The following CRISP1 variants were observed in gnomAD, a reference collection of about 807,000 sequenced individuals.
The protein encoded by CRISP1 is cysteine rich secretory protein 1.
A neutral mutation model predicts 33.1 loss-of-function variants in CRISP1; 44 were observed. The observed-to-expected ratio is 1.33, with a 90% confidence interval of 1.05 to 1.71. The LOEUF is 1.71. Ranked by LOEUF, CRISP1 falls within the 40% of genes most tolerant of loss-of-function variation. The pLI is 0.00. For synonymous variants in CRISP1, 103 were observed against 98.7 expected (o/e 1.04, Z -0.26); for missense variants, 390 against 301.2 (o/e 1.29, Z -2.18).
intron 1 of CRISP1, among the ~76,000 whole-genome samples, chr6:49,863,398 G>A (rs1253933772): frequency 6.6e-6 from 1 of 152,116 alleles, no homozygotes; most frequent in Non-Finnish European, 1.5e-5. Context: ...TTAGGTAAAG[G>A]TAGCTCTTCT....
chr6:49,849,845 TA>T (rs1039896572), intron 3 of CRISP1, among the ~76,000 whole-genome samples: 7 of 151,960 alleles, frequency 4.6e-5, no homozygotes, highest in African/African-American at 1.7e-4. Flanking sequence ...TAGCACTGGG[TA>T]AAACCATGGT....
intron 5 of CRISP1, among the ~76,000 whole-genome samples, chr6:49,841,737 T>C (rs1364114586): frequency 2.0e-5 from 3 of 152,088 alleles, no homozygotes; most frequent in African/African-American, 7.2e-5. Flanking sequence ...GAGTACTGAG[T>C]TGGTTTTTGA....
intron 4 of CRISP1, among the ~76,000 whole-genome samples, chr6:49,847,893 C>A (rs1230495679): frequency 6.6e-6 from 1 of 152,094 alleles, no homozygotes; most frequent in Non-Finnish European, 1.5e-5. Context: ...AGTAACTCCA[C>A]AGAATGGAGA....
chr6:49,865,823 A>G (rs1416799805), intron 1 of CRISP1, among the ~76,000 whole-genome samples: 4 of 152,180 alleles, frequency 2.6e-5, no homozygotes, highest in Non-Finnish European at 5.9e-5. Context: ...GGAGACTGGC[A>G]GATGGAAAGA....
chr6:49,836,841 G>C (rs531877804), intron 7 of CRISP1, among the ~76,000 whole-genome samples: 38 of 152,176 alleles, frequency 2.5e-4, no homozygotes, highest in African/African-American at 8.7e-4. Context: ...TTGTATATTT[G>C]ATAGTGTATC....
Position 49,836,492 on chromosome 6 carries a change from C to T in CRISP1, c.623-1049G>A, listed in dbSNP as rs1016815254. 6.6e-5 allele frequency among the ~76,000 whole-genome samples: 10 copies of T among 151,598 alleles called. No individual in the cohort carries two copies. In the South Asian group the frequency reaches 1.5e-3, roughly 22 times the overall value. On this transcript the variant is annotated intron_variant, in intron 7 of 7. Coordinates refer to ENST00000335847, the MANE Select transcript of CRISP1 (RefSeq NM_001131.3). ...CTGGGACTACAGGCGCCCGCCATCA[C>T]GCCCTGCTAATTTTTTTTTTATTTT... is the stretch of plus-strand genomic sequence containing the variant.
chr6:49,852,708 T>A (rs1355375735), intron 2 of CRISP1, among the ~76,000 whole-genome samples: 8 of 152,188 alleles, frequency 5.3e-5, no homozygotes, highest in African/African-American at 1.7e-4. Context: ...GAGTAAAACA[T>A]AGAATTCAAA....
intron 2 of CRISP1, among the ~76,000 whole-genome samples, chr6:49,855,802 GTTAGTCTATTTGC>G (rs971960837): frequency 1.3e-5 from 2 of 152,114 alleles, no homozygotes; most frequent in African/African-American, 4.8e-5. Context: ...AGGTCTGGTG[GTTAGTCTATTTGC>G]TTTCTACCTG....
upstream of CRISP1, among the ~76,000 whole-genome samples, chr6:49,869,276 G>T (rs1582287832): frequency 6.6e-6 from 1 of 152,062 alleles, no homozygotes; most frequent in East Asian, 1.9e-4. Context: ...GCTGTTTGTT[G>T]GTGCGAAGCC....
At chr6:49,871,045 G>A (rs1771910372), upstream of CRISP1, among the ~76,000 whole-genome samples, 1 of 151,514 alleles carries the variant, frequency 6.6e-6, no homozygotes, top group South Asian at 2.1e-4. Context: ...AGGTTGCAGT[G>A]AGCTGAGAGA....
chr6:49,859,416 A>G (rs1003399951), intron 1 of CRISP1, among the ~76,000 whole-genome samples: 1 of 151,670 alleles, frequency 6.6e-6, no homozygotes. Context: ...AAAAAAAAAG[A>G]AACATCCACC....
chr6:49,842,063 T>C (rs1771009093), intron 5 of CRISP1, among the ~76,000 whole-genome samples: 1 of 152,224 alleles, frequency 6.6e-6, no homozygotes, highest in Non-Finnish European at 1.5e-5. Context: ...TTTGTATGAC[T>C]CTTTTAGATA....
chr6:49,860,910 A>G (rs956123006), intron 1 of CRISP1, among the ~76,000 whole-genome samples: 5 of 152,078 alleles, frequency 3.3e-5, no homozygotes, highest in Non-Finnish European at 5.9e-5. Flanking sequence ...CAGAAAAACA[A>G]AAGATATTAC....
intron 1 of CRISP1, among the ~76,000 whole-genome samples, chr6:49,859,553 G>A (rs182117736): frequency 6.6e-6 from 1 of 151,908 alleles, no homozygotes; most frequent in Non-Finnish European, 1.5e-5. Context: ...ATGCTTAAAG[G>A]AGCCCTACAC....
intron 1 of CRISP1, among the ~76,000 whole-genome samples, chr6:49,862,672 G>A (rs1771684568): frequency 6.6e-6 from 1 of 151,990 alleles, no homozygotes; most frequent in African/African-American, 2.4e-5. Flanking sequence ...AATGAATTCT[G>A]GTTGATCAAA....
At chr6:49,836,542 G>A (rs1770801403) in intron 7 of CRISP1, among the ~76,000 whole-genome samples, 2 of 151,728 alleles carry the variant, frequency 1.3e-5, no homozygotes, top group African/African-American at 4.8e-5. Flanking sequence ...GTTTCACCAT[G>A]TTAGCCAGGG....
chr6:49,841,086 A>T lies in CRISP1; in HGVS notation c.436-91T>A, dbSNP rs879137599. 4 of 1,191,684 alleles carry T rather than the reference A, an allele frequency of 3.4e-6. No individual in the cohort carries two copies. The South Asian group carries it at 5.3e-5, about 16-fold the overall frequency. 73.8% of individuals were successfully genotyped at this position (1,191,684 alleles called of 1,614,324 possible). On this transcript the variant is annotated intron_variant, in intron 5 of 7. Transcript: ENST00000335847. ...TTGTCATCCATGATTAAAAGTAAAC[A>T]TGTTGCTTTTAGGTTTACTTTGGGC...
chr6:49,863,066 G>A (rs1771698040), intron 1 of CRISP1, among the ~76,000 whole-genome samples: 1 of 152,134 alleles, frequency 6.6e-6, no homozygotes, highest in Non-Finnish European at 1.5e-5. Flanking sequence ...ATCAGGTAAA[G>A]CCGAAGGGAT....
chr6:49,874,506 G>A (rs556322238), intron 1 of CRISP1, among the ~76,000 whole-genome samples: 18 of 151,948 alleles, frequency 1.2e-4, no homozygotes, highest in Non-Finnish European at 1.2e-4. Flanking sequence ...ATTTTTAAGG[G>A]TTGGTTGACT....
Sources: allele counts gnomAD v4.1 joint callset (sites outside exome capture counted in the v4.1 genomes callset), GRCh38; gene constraint gnomAD v4.1.1; transcripts MANE v1.5; gene names NCBI Gene and HGNC (gene_info 2026-07-23, HGNC 2026-07-21).